The following SLC38A9 variants were observed in gnomAD, a reference collection of about 807,000 sequenced individuals.
The protein encoded by SLC38A9 is neutral amino acid transporter 9.
In SLC38A9, 48 loss-of-function variants were observed where a neutral mutation model predicts 62.3. That is an observed-to-expected ratio of 0.77 (90% CI 0.61 to 0.98). The LOEUF is 0.98. Ranked by LOEUF, SLC38A9 falls within the 50% of genes least tolerant of loss-of-function variation. The probability of loss-of-function intolerance (pLI) is 0.00; values close to 1 mark genes in which losing one functional copy is unlikely to be tolerated. For missense variants in SLC38A9, 541 were observed against 679.8 expected (o/e 0.80, Z 2.27); for synonymous variants, 204 against 227.7 (o/e 0.90, Z 0.94).
At chr5:55,664,622 C>A in intron 8 of SLC38A9, 71 bp downstream of exon 8, 1 of 833,804 alleles carries the variant, frequency 1.2e-6, no homozygotes, top group Non-Finnish European at 1.7e-6. Flanking sequence ...GAATTTAAGG[C>A]TAGAACTAAC....
chr5:55,628,411 T>A (rs1274914731), intron 14 of SLC38A9, among the ~76,000 whole-genome samples: 2 of 152,172 alleles, frequency 1.3e-5, no homozygotes, highest in Non-Finnish European at 2.9e-5. Context: ...CATTACCTTG[T>A]CAGGTAAAAT....
At chr5:55,626,700 C>A in intron 15 of SLC38A9, 41 bp from the exon 16 acceptor site, 2 of 1,521,960 alleles carry the variant, frequency 1.3e-6, no homozygotes, top group Non-Finnish European at 1.8e-6. Context: ...TCATCTTGCA[C>A]TTTGCTTTTT....
In SLC38A9 at chr5:55,645,896, C is replaced by T. The variant is rs935400666; in HGVS notation, c.1061-1G>A. On this transcript the variant is annotated splice_acceptor_variant, in intron 11 of 15. Transcript: ENST00000396865. LOFTEE classifies it high-confidence loss of function. Reference sequence around the variant, plus strand: ...AGCTGTGGAAACTGAAATCTTATCTCTAGGAGAAAAATAAAAACAAGAACA... The same window carrying T: ...AGCTGTGGAAACTGAAATCTTATCTTTAGGAGAAAAATAAAAACAAGAACA... The T allele has an allele frequency of 4.4e-6, 7 of 1,577,646 alleles. No individual in the cohort carries two copies. The highest frequency in any genetic ancestry group is 3.8e-5 in the Admixed American group (2 of 52,740).
intron 12 of SLC38A9, among the ~76,000 whole-genome samples, chr5:55,636,420 T>G (rs1744412515): frequency 6.6e-6 from 1 of 152,220 alleles, no homozygotes; most frequent in Non-Finnish European, 1.5e-5. Context: ...CAGAACAGAT[T>G]CCCCAGCTCA....
At chr5:55,696,139 C>T (rs1580401783) in intron 3 of SLC38A9, 5 of 56,952 alleles carry the variant, frequency 8.8e-5, no homozygotes, top group Non-Finnish European at 2.2e-4. Context: ...CCCCACCTCC[C>T]TCCCGGACCG....
At chr5:55,628,097 CT>C in intron 14 of SLC38A9, 117 bp from the exon 15 acceptor site, 2 of 648,212 alleles carry the variant, frequency 3.1e-6, no homozygotes, top group African/African-American at 3.7e-5. Context: ...ATGTCTTAAG[CT>C]TGATAAAATC....
At chr5:55,687,859 G>A (rs1235302074) in intron 3 of SLC38A9, among the ~76,000 whole-genome samples, 5 of 151,946 alleles carry the variant, frequency 3.3e-5, no homozygotes, top group Admixed American at 6.6e-5. Context: ...CACCATGTCC[G>A]GCTAATTTTT....
At chr5:55,692,730 A>G in intron 3 of SLC38A9, 1 of 985,386 alleles carries the variant, frequency 1.0e-6, no homozygotes, top group Non-Finnish European at 1.2e-6. Context: ...ACTTACTGTA[A>G]TGGAATGCAC....
At chr5:55,690,958 AAG>A (rs1391502170) in intron 3 of SLC38A9, among the ~76,000 whole-genome samples, 1 of 152,208 alleles carries the variant, frequency 6.6e-6, no homozygotes, top group Admixed American at 6.5e-5. Flanking sequence ...AAGTACCAAA[AAG>A]AGTCAACTTA....
chr5:55,627,826 A>C (rs1305727576), intron 15 of SLC38A9, 65 bp downstream of exon 15: 1 of 991,588 alleles, frequency 1.0e-6, no homozygotes, highest in Non-Finnish European at 1.6e-6. Flanking sequence ...CAACAACAAC[A>C]ACAGGAAAAG....
At chr5:55,638,326 C>T (rs138155610) in intron 12 of SLC38A9, among the ~76,000 whole-genome samples, 193 of 152,040 alleles carry the variant, frequency 1.3e-3, no homozygotes, top group Middle Eastern at 0.01. Flanking sequence ...CCTTGAAAGC[C>T]CATTTAATGG....
At chr5:55,654,560 A>T (rs958882729) in intron 9 of SLC38A9, among the ~76,000 whole-genome samples, 3 of 151,968 alleles carry the variant, frequency 2.0e-5, no homozygotes, top group Admixed American at 2.0e-4. Context: ...AGCTATGATC[A>T]TTGCCACTAT....
intron 7 of SLC38A9, chr5:55,665,086 C>T (rs1750243123): frequency 4.0e-6 from 1 of 247,402 alleles, no homozygotes; most frequent in African/African-American, 2.2e-5. Flanking sequence ...ATTATAGTAT[C>T]ATAACATTTT....
chr5:55,630,085 C>T (rs186219346), intron 14 of SLC38A9, among the ~76,000 whole-genome samples: 1 of 152,266 alleles, frequency 6.6e-6, no homozygotes, highest in Admixed American at 6.5e-5. Context: ...AGCTACCACT[C>T]GTCAGGTTTT....
intron 13 of SLC38A9, 65 bp from the exon 14 acceptor site, chr5:55,633,967 G>A (rs1743944511): frequency 7.8e-7 from 1 of 1,284,954 alleles, no homozygotes; most frequent in African/African-American, 1.5e-5. Flanking sequence ...TCATAAAATG[G>A]AATGTCTTCT....
chr5:55,636,423 C>A (rs1261589192), intron 12 of SLC38A9, among the ~76,000 whole-genome samples: 1 of 152,188 alleles, frequency 6.6e-6, no homozygotes, highest in Non-Finnish European at 1.5e-5. Flanking sequence ...AACAGATTCC[C>A]CAGCTCAAAA....
At chr5:55,628,484 A>G (rs1482556298) in intron 14 of SLC38A9, among the ~76,000 whole-genome samples, 1 of 152,150 alleles carries the variant, frequency 6.6e-6, no homozygotes, top group Non-Finnish European at 1.5e-5. Context: ...AACCCCAAAA[A>G]CATTTGGAAA....
chr5:55,636,045 A>G (rs970967194), intron 12 of SLC38A9, among the ~76,000 whole-genome samples: 3 of 152,246 alleles, frequency 2.0e-5, no homozygotes, highest in African/African-American at 7.2e-5. Flanking sequence ...TAGCCACTTC[A>G]GTATGGTCTG....
intron 3 of SLC38A9, among the ~76,000 whole-genome samples, chr5:55,679,447 A>G (rs1028218194): frequency 2.6e-5 from 4 of 152,190 alleles, no homozygotes; most frequent in Non-Finnish European, 5.9e-5. Flanking sequence ...TTCTGCTGAG[A>G]ATAAATTTCA....
Sources: allele counts gnomAD v4.1 joint callset (sites outside exome capture counted in the v4.1 genomes callset), GRCh38; gene constraint gnomAD v4.1.1; transcripts MANE v1.5; gene names NCBI Gene and HGNC (gene_info 2026-07-23, HGNC 2026-07-21).